DLC1: variants seen among roughly 807,000 people sequenced by gnomAD.
DLC1 encodes rho GTPase-activating protein 7.
Under a neutral mutation model 140.3 loss-of-function variants are expected in DLC1, and 54 were observed. The ratio of observed to expected loss-of-function variants is 0.38; its 90% CI spans 0.31 to 0.48. DLC1 has a LOEUF of 0.48. Ranked by LOEUF, DLC1 falls within the 20% of genes least tolerant of loss-of-function variation. The pLI, the probability that DLC1 is intolerant of heterozygous loss-of-function variation, is 0.96. For missense variants in DLC1, 2,536 were observed against 1,907.0 expected, an observed-to-expected ratio of 1.33 and a Z score of -6.14; for synonymous variants, 986 against 728.1, an observed-to-expected ratio of 1.35 and a Z score of -5.70.
chr8:13,325,959 A>G (rs978569256), intron 4 of DLC1, among the ~76,000 whole-genome samples: 1 of 152,182 alleles, frequency 6.6e-6, no homozygotes, highest in Non-Finnish European at 1.5e-5. Flanking sequence ...CGGATGTATG[A>G]CACTTGATAT....
upstream of DLC1, among the ~76,000 whole-genome samples, chr8:13,516,103 G>A (rs1212449076): frequency 6.6e-6 from 1 of 152,066 alleles, no homozygotes; most frequent in African/African-American, 2.4e-5. Flanking sequence ...GCTCAGTCAT[G>A]TCTCCCTTCT....
At chr8:13,566,774 G>A (rs78230326) in intron 1 of DLC1, 10,688 of 600,282 alleles carry the variant, frequency 0.018, 510 homozygotes, top group East Asian at 0.14. Context: ...GTGGGCGCTG[G>A]GGAGCGCGGA....
At chr8:13,545,391 A>G (rs766381287) in intron 1 of DLC1, among the ~76,000 whole-genome samples, 4 of 151,888 alleles carry the variant, frequency 2.6e-5, no homozygotes, top group Admixed American at 6.6e-5. Flanking sequence ...CATAAATGTC[A>G]GGCAGGAAAA....
intron 2 of DLC1, among the ~76,000 whole-genome samples, chr8:13,465,081 A>G (rs1799871232): frequency 6.6e-6 from 1 of 152,122 alleles, no homozygotes; most frequent in Non-Finnish European, 1.5e-5. Context: ...TGAATAAGTT[A>G]AGTGAGTTCA....
intron 2 of DLC1, among the ~76,000 whole-genome samples, chr8:13,479,814 G>GAAGAAGAAGAAGAAC (rs1175642625): frequency 4.4e-5 from 1 of 22,610 alleles, no homozygotes; most frequent in African/African-American, 1.3e-4. Context: ...AGAAGAAGAA[G>GAAGAAGAAGAAGAAC]AAGAAGAAGA....
intron 1 of DLC1, among the ~76,000 whole-genome samples, chr8:13,601,278 T>A (rs758711972): frequency 6.6e-6 from 1 of 151,836 alleles, no homozygotes; most frequent in Non-Finnish European, 1.5e-5. Flanking sequence ...TGACTAGCTC[T>A]TGAGCTCAAA....
At chr8:13,382,611 G>A (rs1317195540) in intron 4 of DLC1, among the ~76,000 whole-genome samples, 1 of 146,444 alleles carries the variant, frequency 6.8e-6, no homozygotes, top group Admixed American at 6.8e-5. Context: ...ATAAAACTTT[G>A]TTTCTTCACA....
At chr8:13,563,695 C>G (rs114329623) in intron 1 of DLC1, among the ~76,000 whole-genome samples, 2 of 151,898 alleles carry the variant, frequency 1.3e-5, no homozygotes, top group African/African-American at 4.8e-5. Flanking sequence ...TTTTGACCCA[C>G]GAATTATGAT....
rs1405539408 is a variant in DLC1, at chr8:13,100,129, G to A, written c.2208C>T (p.Asn736=). 6.2e-7 allele frequency: 1 copy of A among 1,613,990 alleles called. No individual in the cohort carries two copies. Among genetic ancestry groups the A allele is most frequent in the Non-Finnish European group, 8.5e-7 (1 of 1,180,046 alleles). ...VPMVRKRSVS[N]STQTSSSSSQ... ...TGCTGCTGCTGCTGGTCTGCGTGGA[G>A]TTGGAAACGCTCCTCTTTCGTACCA... Residue 736 remains asparagine (N), a synonymous_variant, in exon 9 of 18, where the codon AAC becomes AAT. Transcript: ENST00000276297.
chr8:13,324,481 T>C (rs1238311825), intron 4 of DLC1, among the ~76,000 whole-genome samples: 3 of 146,838 alleles, frequency 2.0e-5, no homozygotes, highest in East Asian at 4.1e-4. Flanking sequence ...GGCAGGAGAA[T>C]GGCGTGAACC....
chr8:13,403,620 T>G, intron 2 of DLC1, among the ~76,000 whole-genome samples: 1 of 152,092 alleles, frequency 6.6e-6, no homozygotes, highest in East Asian at 1.9e-4. Context: ...TTTGGATTTC[T>G]TTCTTTCTCC....
chr8:13,296,090 G>A (rs1177543200), intron 5 of DLC1, among the ~76,000 whole-genome samples: 2 of 151,222 alleles, frequency 1.3e-5, no homozygotes, highest in Non-Finnish European at 1.5e-5. Context: ...CGAGTAGCTG[G>A]GATCATAGGC....
At chr8:13,408,940 T>G (rs1374496787) in intron 2 of DLC1, among the ~76,000 whole-genome samples, 1 of 152,196 alleles carries the variant, frequency 6.6e-6, no homozygotes, top group Non-Finnish European at 1.5e-5. Context: ...ATTATGATGA[T>G]CCTTCCTTTG....
At chr8:13,174,846 G>C (rs1825673848) in intron 5 of DLC1, among the ~76,000 whole-genome samples, 1 of 152,030 alleles carries the variant, frequency 6.6e-6, no homozygotes, top group Admixed American at 6.6e-5. Context: ...TTGCTGTGCA[G>C]AAGTTCTTCT....
At chr8:13,199,800 C>G (rs1827277023) in intron 5 of DLC1, among the ~76,000 whole-genome samples, 1 of 152,106 alleles carries the variant, frequency 6.6e-6, no homozygotes, top group Non-Finnish European at 1.5e-5. Context: ...GATGTTCCAT[C>G]TCAAAGTCAG....
chr8:13,164,562 G>A (rs138120834), intron 5 of DLC1, among the ~76,000 whole-genome samples: 18 of 152,148 alleles, frequency 1.2e-4, no homozygotes, highest in African/African-American at 3.9e-4. Context: ...AATTTTAACG[G>A]GATCTTATCT....
At chr8:13,453,471 CAT>C (rs1319699981) in intron 2 of DLC1, among the ~76,000 whole-genome samples, 2 of 12,390 alleles carry the variant, frequency 1.6e-4, no homozygotes, top group East Asian at 3.3e-3. Context: ...TATATATATA[CAT>C]ATATATGTAT....
intron 1 of DLC1, among the ~76,000 whole-genome samples, chr8:13,604,243 A>G (rs912768020): frequency 4.6e-5 from 7 of 152,180 alleles, no homozygotes; most frequent in Non-Finnish European, 8.8e-5. Flanking sequence ...TATGTGACAG[A>G]GGATTACAAT....
At chr8:13,360,771 A>G (rs1191100611) in intron 4 of DLC1, among the ~76,000 whole-genome samples, 1 of 152,212 alleles carries the variant, frequency 6.6e-6, no homozygotes, top group Non-Finnish European at 1.5e-5. Flanking sequence ...ATAAAAAATA[A>G]AATTCATAAT....
Sources: allele counts gnomAD v4.1 joint callset (sites outside exome capture counted in the v4.1 genomes callset), GRCh38; gene constraint gnomAD v4.1.1; transcripts MANE v1.5; gene names NCBI Gene and HGNC (gene_info 2026-07-23, HGNC 2026-07-21).